Variants in NFXL1 observed in about 807,000 individuals in gnomAD.
The protein encoded by NFXL1 is NF-X1-type zinc finger protein NFXL1.
A neutral mutation model predicts 123.3 loss-of-function variants in NFXL1; 66 were observed. That is an observed-to-expected ratio of 0.54 (90% CI 0.44 to 0.66). The LOEUF is 0.66. NFXL1 is among the 30% of genes least tolerant of loss of function. The pLI is 0.00. For missense variants in NFXL1, 944 were observed against 1,125.6 expected (o/e 0.84, Z 2.31); for synonymous variants, 346 against 360.8 (o/e 0.96, Z 0.46).
At chr4:47,872,785 G>A (rs1303712310) in intron 18 of NFXL1, among the ~76,000 whole-genome samples, 1 of 152,130 alleles carries the variant, frequency 6.6e-6, no homozygotes, top group Non-Finnish European at 1.5e-5. Flanking sequence ...AGATGTTTAT[G>A]GCTGCTGACT....
At chr4:47,889,419 G>A (rs1272866753) in intron 12 of NFXL1, among the ~76,000 whole-genome samples, 2 of 152,152 alleles carry the variant, frequency 1.3e-5, no homozygotes, top group African/African-American at 4.8e-5. Context: ...TTCCTAATGG[G>A]GAAGGAATGT....
At chr4:47,848,410 T>A in intron 22 of NFXL1, 74 bp from the exon 23 acceptor site, 1 of 1,159,118 alleles carries the variant, frequency 8.6e-7, no homozygotes, top group Non-Finnish European at 1.2e-6. Context: ...TACATAAAAA[T>A]CAATTTGGGT....
intron 18 of NFXL1, among the ~76,000 whole-genome samples, chr4:47,863,302 T>C (rs929540746): frequency 3.9e-5 from 6 of 152,182 alleles, no homozygotes; most frequent in Admixed American, 3.9e-4. Context: ...TTATTTAATA[T>C]GTTCAAATTG....
At chr4:47,881,298 A>G (rs1257143581) in intron 15 of NFXL1, among the ~76,000 whole-genome samples, 1 of 152,186 alleles carries the variant, frequency 6.6e-6, no homozygotes, top group East Asian at 1.9e-4. Context: ...CTGAAACAGC[A>G]TTACATTTCC....
intron 4 of NFXL1, among the ~76,000 whole-genome samples, chr4:47,904,353 A>G (rs555923786): frequency 3.3e-5 from 5 of 152,286 alleles, no homozygotes; most frequent in African/African-American, 1.2e-4. Context: ...CACTATACCC[A>G]TGTACTAGCT....
Position 47,885,561 on chromosome 4 carries a change from C to T in NFXL1, c.1761G>A (p.Glu587=). The part of the protein sequence containing the change: ...PCHQPCQKVL[E]KCGHLCPAPC... ...GAGCAGGACACAAGTGACCACATTT[C>T]TCCAAAACTTTTTGGCAAGGTTGAT... Residue 587 remains glutamate, a synonymous_variant, in exon 14 of 23, where the codon GAG becomes GAA. Coordinates refer to ENST00000507489, the MANE Select transcript of NFXL1 (RefSeq NM_001278624.2). The T allele has an allele frequency of 6.2e-7, 1 of 1,613,990 alleles. No individual in the cohort carries two copies. The highest frequency in any genetic ancestry group is 1.1e-5 in the South Asian group (1 of 91,086).
intron 3 of NFXL1, among the ~76,000 whole-genome samples, chr4:47,907,056 TATC>T (rs1357885397): frequency 6.6e-6 from 1 of 152,342 alleles, no homozygotes; most frequent in African/African-American, 2.4e-5. Flanking sequence ...ACCTCACAAT[TATC>T]ATATGGATTT....
intron 11 of NFXL1, among the ~76,000 whole-genome samples, chr4:47,893,282 G>A (rs1169577546): frequency 6.6e-6 from 1 of 151,810 alleles, no homozygotes; most frequent in Non-Finnish European, 1.5e-5. Context: ...AAAAAAATCT[G>A]AAGAAATAAA....
intron 17 of NFXL1, chr4:47,877,101 T>TG (rs1478057779): frequency 2.2e-6 from 2 of 913,264 alleles, no homozygotes; most frequent in South Asian, 2.7e-5. Context: ...CACATTGGGC[T>TG]GGGAGTTAAA....
At chr4:47,898,424 C>T (rs1737217157) in intron 8 of NFXL1, among the ~76,000 whole-genome samples, 1 of 152,104 alleles carries the variant, frequency 6.6e-6, no homozygotes, top group Admixed American at 6.6e-5. Flanking sequence ...ATCAATCTTA[C>T]TTCCTCAATT....
At position 47,866,051 on chromosome 4, in the gene NFXL1, G is replaced by A. The variant is rs374804915; in HGVS notation, c.2247-3136C>T. ...ATAAAAAAAAATTTAAAAAGTATAC[G>A]AGATTCAAGTAGCCAATCTTGGAAA... is the stretch of plus-strand genomic sequence containing the variant. On this transcript the variant is annotated intron_variant, in intron 18 of 22. Coordinates refer to ENST00000507489, the MANE Select transcript of NFXL1 (RefSeq NM_001278624.2). Among the ~76,000 whole-genome samples the A allele has an allele frequency of 3.6e-3, 552 of 152,000 alleles. 3 individuals are homozygous for A. Among genetic ancestry groups the A allele is most frequent in the Non-Finnish European group, 6.1e-3 (418 of 67,970 alleles).
intron 3 of NFXL1, among the ~76,000 whole-genome samples, chr4:47,906,626 T>A (rs1737576517): frequency 6.6e-6 from 1 of 152,190 alleles, no homozygotes; most frequent in African/African-American, 2.4e-5. Context: ...GGGCGCCTAT[T>A]TTGCTTTTCA....
In NFXL1 at chr4:47,851,888, T is replaced by C. The variant is rs774030435; in HGVS notation, c.2476A>G (p.Thr826Ala). The C allele has an allele frequency of 3.7e-6, 6 of 1,610,962 alleles. No homozygotes were observed. Among genetic ancestry groups the C allele is most frequent in the South Asian group, 1.1e-5 (1 of 90,948 alleles). The change falls in exon 21 of 23, where the codon ACG becomes GCG. Residue 826 changes from threonine to alanine, a missense_variant. Physicochemically the swap from Thr to Ala is moderately conservative, Grantham distance 58. This residue lies in a region of NFXL1 where 301 missense variants were observed against 348.0 expected (regional missense o/e 0.86). Coordinates refer to ENST00000507489, the MANE Select transcript of NFXL1 (RefSeq NM_001278624.2). ...GCTTTCCGCTTCATTTCCTTGCACG[T>C]TGTGTCACATTCTATTGAAACCTGA... ...ENQVSIECDTTCKEMKRKASE... is the reference protein window; with the variant it reads ...ENQVSIECDTACKEMKRKASE...
chr4:47,899,506 A>T lies in NFXL1; in HGVS notation c.690T>A (p.Ser230Arg). 6.2e-7 allele frequency: 1 copy of T among 1,613,014 alleles called. No homozygotes were observed. Among genetic ancestry groups the T allele is most frequent in the Non-Finnish European group, 8.5e-7 (1 of 1,179,052 alleles). ...RFEYKRSETPSRYYCYCGKVE... is the reference protein window; with the variant it reads ...RFEYKRSETPRRYYCYCGKVE... ...CTTTTCCACAATAGCAATAGTACCTACTAGGTGTTTCAGATCGTTTGTATT... is the reference window on the plus strand; with the variant it reads ...CTTTTCCACAATAGCAATAGTACCTTCTAGGTGTTTCAGATCGTTTGTATT... The change falls in exon 6 of 23, where the codon AGT becomes AGA. Residue 230 changes from serine to arginine, a missense_variant. Ser to Arg is a moderately radical substitution (Grantham distance 110). Transcript: ENST00000507489.
intron 3 of NFXL1, among the ~76,000 whole-genome samples, chr4:47,907,660 A>G (rs1321166775): frequency 6.6e-6 from 1 of 152,240 alleles, no homozygotes; most frequent in Non-Finnish European, 1.5e-5. Flanking sequence ...ATCATATACT[A>G]ATGGATTTTA....
At position 47,896,471 on chromosome 4, in the gene NFXL1, A is replaced by G; in HGVS notation, c.1329+52T>C. 9 of 1,399,714 alleles carry G rather than the reference A, an allele frequency of 6.4e-6. No individual in the cohort carries two copies. The South Asian group carries it at 1.1e-4, about 16-fold the overall frequency. The allele number at this position is 1,399,714 out of a possible 1,614,324, so 86.7% of individuals were successfully genotyped here. A position where few individuals can be genotyped will look rare whatever the true frequency, so the allele number is the denominator to read the frequency against. On this transcript the variant is annotated intron_variant, in intron 10 of 22. Transcript: ENST00000507489. ...AACAACCACAGGACAATCTCATTTGATACATTATGATAGGTAGCTCTTAAA... is the reference window on the plus strand; with the variant it reads ...AACAACCACAGGACAATCTCATTTGGTACATTATGATAGGTAGCTCTTAAA...
chr4:47,885,398 C>T (rs1244528950), intron 14 of NFXL1, 100 bp downstream of exon 14: 9 of 970,588 alleles, frequency 9.3e-6, no homozygotes, highest in Non-Finnish European at 1.4e-5. Context: ...ACAGTGCTTC[C>T]CAATAAGTGC....
chr4:47,909,938 G>C (rs953899175), intron 3 of NFXL1, among the ~76,000 whole-genome samples: 1 of 152,082 alleles, frequency 6.6e-6, no homozygotes, highest in African/African-American at 2.4e-5. Flanking sequence ...TGGGGTTATA[G>C]GCGTGAGCCA....
Position 47,898,031 on chromosome 4 carries a change from G to T in NFXL1, c.1140C>A (p.Cys380Ter), listed in dbSNP as rs376689547. Reference protein sequence around the residue: ...PCGNHTCEQVCHVGACGECPR... With the variant: ...PCGNHTCEQV ...GACATTCTCCACAAGCACCAACATGGCAAACTTGCTCACATGTGTGATTAC... is the reference window on the plus strand; with the variant it reads ...GACATTCTCCACAAGCACCAACATGTCAAACTTGCTCACATGTGTGATTAC... The change falls in exon 9 of 23, where the codon TGC becomes TGA. Residue 380 changes from cysteine (C) to a stop codon, truncating the protein, a stop_gained. Transcript: ENST00000507489. LOFTEE classifies it high-confidence loss of function. 4 of 1,612,258 alleles carry T rather than the reference G, an allele frequency of 2.5e-6. No homozygotes were observed. The South Asian group carries it at 3.3e-5, about 13-fold the overall frequency.
Sources: allele counts gnomAD v4.1 joint callset (sites outside exome capture counted in the v4.1 genomes callset), GRCh38; gene constraint gnomAD v4.1.1; regional missense constraint gnomAD v4.1.1; transcripts MANE v1.5; gene names NCBI Gene and HGNC (gene_info 2026-07-23, HGNC 2026-07-21).